UNG: variants seen among roughly 807,000 people sequenced by gnomAD.
UNG encodes the protein uracil-DNA glycosylase.
UNG carries 34 observed loss-of-function variants against 36.5 expected under a neutral mutation model. The observed-to-expected ratio is 0.93, with a 90% confidence interval of 0.71 to 1.24. The LOEUF is 1.24. Among genes scored for constraint, UNG ranks in the 50% most tolerant of loss-of-function variants. The pLI, the probability that UNG is intolerant of heterozygous loss-of-function variation, is 0.00. For synonymous variants in UNG, 172 were observed against 157.8 expected, an observed-to-expected ratio of 1.09 and a Z score of -0.67; for missense variants, 391 against 397.6, an observed-to-expected ratio of 0.98 and a Z score of 0.14.
chr12:109,106,670 G>A (rs1467392271), intron 6 of UNG, among the ~76,000 whole-genome samples: 2 of 150,678 alleles, frequency 1.3e-5, no homozygotes, highest in African/African-American at 4.9e-5. Flanking sequence ...TGGCCGAGGC[G>A]AGTGGATTGT....
At chr12:109,107,582 A>G (rs1032171406) in intron 6 of UNG, among the ~76,000 whole-genome samples, 6 of 139,598 alleles carry the variant, frequency 4.3e-5, no homozygotes, top group East Asian at 2.1e-4. Flanking sequence ...CTGGAGTGCA[A>G]TGGCGTGATC....
Position 109,101,999 on chromosome 12 carries a change from G to A in UNG, c.533G>A (p.Ser178Asn), listed in dbSNP as rs1195388089. 6.2e-7 allele frequency: 1 copy of A among 1,613,844 alleles called. No individual in the cohort carries two copies. Among genetic ancestry groups the A allele is most frequent in the South Asian group, 1.1e-5 (1 of 91,060 alleles). The change falls in exon 4 of 7, where the codon AGT (serine) becomes AAT (asparagine). Residue 178 changes from serine (S) to asparagine (N), a missense_variant and splice_region_variant. Physicochemically the swap from Ser to Asn is conservative, Grantham distance 46 (BLOSUM62 1). Coordinates refer to ENST00000242576, the MANE Select transcript of UNG (RefSeq NM_080911.3). ...SVQRPVPPPP[S>N]LENIYKELST... ...CAAAGGCCTGTTCCGCCTCCGCCCA[G>A]GTACAGTTGCTTTACAGGTGACTGC... is the stretch of plus-strand genomic sequence containing the variant.
At chr12:109,105,226 T>G (rs1037008451) in intron 6 of UNG, 1 of 152,228 alleles carries the variant, frequency 6.6e-6, no homozygotes, top group Non-Finnish European at 1.5e-5. Context: ...GTTGAGTACT[T>G]TGCATGCAGA....
At chr12:109,097,975 G>A in intron 1 of UNG, 164 bp downstream of exon 1, 1 of 1,253,522 alleles carries the variant, frequency 8.0e-7, no homozygotes, top group Non-Finnish European at 1.1e-6. Flanking sequence ...TCCCCCATGG[G>A]CCGCCATGCT....
In UNG at chr12:109,102,136, A is replaced by G. The variant is rs1205501016; in HGVS notation, c.533+137A>G. The G allele has an allele frequency of 5.1e-6, 4 of 777,250 alleles. No individual in the cohort carries two copies. In the Admixed American group the frequency reaches 6.0e-5, roughly 12 times the overall value. 48.1% of individuals were successfully genotyped at this position (777,250 alleles called of 1,614,324 possible). On this transcript the variant is annotated intron_variant, in intron 4 of 6. Coordinates refer to ENST00000242576, the MANE Select transcript of UNG (RefSeq NM_080911.3). The stretch of plus-strand genomic sequence containing the variant: ...ATTTCTCGGCCTCAGCACCATTGAC[A>G]TTTGGGGCTGAGTCATTCTTTGTTG...
intron 6 of UNG, among the ~76,000 whole-genome samples, chr12:109,106,543 G>A (rs1354223868): frequency 2.6e-5 from 4 of 151,940 alleles, no homozygotes; most frequent in Admixed American, 6.6e-5. Flanking sequence ...AATCAAAGTA[G>A]TCATTTGCCA....
Position 109,098,432 on chromosome 12 carries a change from G to C in UNG, c.133G>C (p.Ala45Pro). The C allele has an allele frequency of 6.2e-7, 1 of 1,607,290 alleles. No homozygotes were observed. Among genetic ancestry groups the C allele is most frequent in the African/African-American group, 1.3e-5 (1 of 74,872 alleles). ...CCGCCTCTGCGGGGACCACTTGCAGGCCATCCCAGCCAAGAAGGCCCCGGC... is the reference window on the plus strand; with the variant it reads ...CCGCCTCTGCGGGGACCACTTGCAGCCCATCCCAGCCAAGAAGGCCCCGGC... ...GVPEESGDAA[A>P]IPAKKAPAGQ... The change falls in exon 2 of 7, where the codon GCC becomes CCC. Residue 45 changes from alanine to proline, a missense_variant and splice_region_variant. Ala to Pro is a conservative substitution (Grantham distance 27). Transcript: ENST00000242576.
intron 6 of UNG, among the ~76,000 whole-genome samples, chr12:109,106,014 C>T (rs995776352): frequency 6.6e-6 from 1 of 152,244 alleles, no homozygotes; most frequent in African/African-American, 2.4e-5. Context: ...CCCCACTTCC[C>T]TGCCTTTGCA....
At chr12:109,098,168 C>T (rs555656820) in intron 1 of UNG, 13 of 1,408,812 alleles carry the variant, frequency 9.2e-6, no homozygotes, top group African/African-American at 5.8e-5. Flanking sequence ...GGCGGGGCAC[C>T]TCTGTGCAGG....
Position 109,099,258 on chromosome 12 carries a change from T to A in UNG, c.409T>A (p.Trp137Arg). 6.2e-7 allele frequency: 1 copy of A among 1,614,110 alleles called. No homozygotes were observed. Among genetic ancestry groups the A allele is most frequent in the Non-Finnish European group, 8.5e-7 (1 of 1,179,968 alleles). ...VYPPPHQVFTWTQMCDIKDVK... is the reference protein window; with the variant it reads ...VYPPPHQVFTRTQMCDIKDVK... ...TCCACCCCCACACCAAGTCTTCACC[T>A]GGACCCAGATGTGTGACATAAAAGA... The change falls in exon 3 of 7, where the codon TGG becomes AGG. Residue 137 changes from tryptophan (W) to arginine (R), a missense_variant. Physicochemically the swap from Trp to Arg is moderately radical, Grantham distance 101. Coordinates refer to ENST00000242576, the MANE Select transcript of UNG (RefSeq NM_080911.3).
At chr12:109,098,803 C>T (rs1252893256) in intron 2 of UNG, among the ~76,000 whole-genome samples, 165 bp downstream of exon 2, 1 of 152,154 alleles carries the variant, frequency 6.6e-6, no homozygotes, top group Admixed American at 6.5e-5. Flanking sequence ...ATGTTTCACT[C>T]TGCAGCTTTA....
At chr12:109,108,099 G>A (rs74956419) in intron 6 of UNG, among the ~76,000 whole-genome samples, 175 of 152,246 alleles carry the variant, frequency 1.1e-3, no homozygotes, top group African/African-American at 3.8e-3. Context: ...TTTTCTAGGA[G>A]TTATGTGGTT....
At chr12:109,098,699 T>G (rs964451550) in intron 2 of UNG, 61 bp downstream of exon 2, 1 of 1,608,240 alleles carries the variant, frequency 6.2e-7, no homozygotes, top group Admixed American at 1.7e-5. Flanking sequence ...CCTTTTGTCT[T>G]GTTAGTGTAG....
intron 6 of UNG, among the ~76,000 whole-genome samples, chr12:109,104,687 G>A (rs538053083): frequency 5.4e-4 from 82 of 152,272 alleles, no homozygotes; most frequent in Non-Finnish European, 1.0e-3. Flanking sequence ...GCAGAGTGGA[G>A]GAGGGAGAGA....
At position 109,099,469 on chromosome 12, in the gene UNG, A is replaced by G. The variant is rs911520066; in HGVS notation, c.435+185A>G. Reference sequence around the variant, plus strand: ...TTTTAATGTTTACCACGTGGTATTTATGTGGCAAAAAGGAAAACTATGTAC... The same window carrying G: ...TTTTAATGTTTACCACGTGGTATTTGTGTGGCAAAAAGGAAAACTATGTAC... On this transcript the variant is annotated intron_variant, in intron 3 of 6. Transcript: ENST00000242576. 8.2e-6 allele frequency: 5 copies of G among 610,334 alleles called. No homozygotes were observed. The African/African-American group carries it at 9.2e-5, about 11-fold the overall frequency. The allele number at this position is 610,334 out of a possible 1,614,324, so 37.8% of individuals were successfully genotyped here. A position where few individuals can be genotyped will look rare whatever the true frequency, so the allele number is the denominator to read the frequency against.
chr12:109,104,397 G>A (rs562277757), intron 6 of UNG, among the ~76,000 whole-genome samples: 1 of 152,034 alleles, frequency 6.6e-6, no homozygotes, highest in South Asian at 2.1e-4. Context: ...TACCCAACAC[G>A]ACCAAACCAG....
At chr12:109,098,278 C>T (rs773372861) in intron 1 of UNG, 154 bp from the exon 2 acceptor site, 1 of 1,543,592 alleles carries the variant, frequency 6.5e-7, no homozygotes, top group East Asian at 2.3e-5. Context: ...CCGGACCGGG[C>T]CCAGCCCTGG....
chr12:109,099,313 TG>T, intron 3 of UNG, 29 bp downstream of exon 3: 1 of 1,578,526 alleles, frequency 6.3e-7, no homozygotes, highest in Non-Finnish European at 8.7e-7. Context: ...TAATTTTTAT[TG>T]GGGAGAAGGA....
Position 109,110,025 on chromosome 12 carries a change from G to A in UNG, c.*56G>A, listed in dbSNP as rs1160070501. 36 of 1,612,576 alleles carry A rather than the reference G, an allele frequency of 2.2e-5. No individual in the cohort carries two copies. The highest frequency in any genetic ancestry group is 1.7e-4 in the Middle Eastern group (1 of 6,044). Reference sequence around the variant, plus strand: ...TGCTGTTAACGTATTTGCCAGTTACGAAGTTCCACTGAAAATTTTCCTATT... The same window carrying A: ...TGCTGTTAACGTATTTGCCAGTTACAAAGTTCCACTGAAAATTTTCCTATT... On this transcript the variant is annotated 3_prime_UTR_variant, in exon 7 of 7. Transcript: ENST00000242576.
Sources: allele counts gnomAD v4.1 joint callset (sites outside exome capture counted in the v4.1 genomes callset), GRCh38; gene constraint gnomAD v4.1.1; transcripts MANE v1.5; gene names NCBI Gene and HGNC (gene_info 2026-07-23, HGNC 2026-07-21).